The following GLCE variants were observed in gnomAD, a reference collection of about 807,000 sequenced individuals.
GLCE encodes the protein glucuronic acid epimerase, also known as D-glucuronyl C5-epimerase.
A neutral mutation model predicts 47.9 loss-of-function variants in GLCE; 19 were observed. That is an observed-to-expected ratio of 0.40 (90% CI 0.28 to 0.58). The LOEUF (loss-of-function observed/expected upper bound fraction) is 0.58. Among genes scored for constraint, GLCE ranks in the 20% least tolerant of loss-of-function variants. GLCE has a pLI of 0.48. For missense variants in GLCE, 556 were observed against 743.3 expected (o/e 0.75, Z 2.93); for synonymous variants, 245 against 263.4 (o/e 0.93, Z 0.68).
chr15:69,266,905 TA>T (rs1202205304), intron 4 of GLCE: 1 of 153,216 alleles, frequency 6.5e-6, no homozygotes, highest in Non-Finnish European at 1.5e-5. Flanking sequence ...TGTAATATAA[TA>T]ATTCCTGCCC....
rs572891493 is a variant in GLCE, at chr15:69,167,840, T to C, written c.-105+7083T>C. On this transcript the variant is annotated intron_variant, in intron 1 of 4. Coordinates refer to ENST00000261858, the MANE Select transcript of GLCE (RefSeq NM_015554.3). The stretch of plus-strand genomic sequence containing the variant: ...TGGGAAAAGTTTTTTTTTTTTTTTT[T>C]TAAATCTCAGCTTTTACTAATCTTA... 4.9e-4 allele frequency among the ~76,000 whole-genome samples: 74 copies of C among 152,012 alleles called. 1 individual carries two copies. In the East Asian group the frequency reaches 0.013, roughly 27 times the overall value.
At chr15:69,171,819 TTTA>T (rs1022150744) in intron 1 of GLCE, among the ~76,000 whole-genome samples, 7 of 152,326 alleles carry the variant, frequency 4.6e-5, no homozygotes, top group African/African-American at 1.7e-4. Flanking sequence ...AGAGTTCCTG[TTTA>T]CTGGAATTCT....
chr15:69,191,629 C>G lies in GLCE; in HGVS notation c.-104-18687C>G, dbSNP rs1595746336. Reference sequence around the variant, plus strand: ...ATTGGGAGCTGGTCAGGTAAGCGTCCTCTGCCTAGCATGTAGCAAAATTCC... The same window carrying G: ...ATTGGGAGCTGGTCAGGTAAGCGTCGTCTGCCTAGCATGTAGCAAAATTCC... On this transcript the variant is annotated intron_variant, in intron 1 of 4. Transcript: ENST00000261858. Among the ~76,000 whole-genome samples, 4 of 152,250 alleles carry G rather than the reference C, an allele frequency of 2.6e-5. No homozygotes were observed. The East Asian group carries it at 7.7e-4, about 29-fold the overall frequency.
At position 69,269,470 on chromosome 15, in the gene GLCE, TG is replaced by T. The variant is rs2053135239; in HGVS notation, c.*227del. 1.8e-6 allele frequency: 1 copy of T among 545,508 alleles called. No homozygotes were observed. Among genetic ancestry groups the T allele is most frequent in the Admixed American group, 3.3e-5 (1 of 30,380 alleles). The allele number at this position is 545,508 out of a possible 1,614,324, so 33.8% of individuals were successfully genotyped here. A position where few individuals can be genotyped will look rare whatever the true frequency, so the allele number is the denominator to read the frequency against. ...AGAACACAATGTTTAATCAATGGGCTGAACAAAGATGCTTCACTTTGCCTTG... is the reference window on the plus strand; with the variant it reads ...AGAACACAATGTTTAATCAATGGGCTAACAAAGATGCTTCACTTTGCCTTG... On this transcript the variant is annotated 3_prime_UTR_variant, in exon 5 of 5. Transcript: ENST00000261858.
chr15:69,209,935 G>A (rs547005910), intron 1 of GLCE, among the ~76,000 whole-genome samples: 1 of 152,114 alleles, frequency 6.6e-6, no homozygotes, highest in South Asian at 2.1e-4. Context: ...CCACAGCTGT[G>A]ATGGGTGGCT....
At chr15:69,208,600 TCTC>T (rs1052188829) in intron 1 of GLCE, among the ~76,000 whole-genome samples, 1 of 152,092 alleles carries the variant, frequency 6.6e-6, no homozygotes, top group African/African-American at 2.4e-5. Flanking sequence ...AGTTTTGTCT[TCTC>T]TAGTTCTTTT....
chr15:69,234,010 T>C (rs1345704532), intron 2 of GLCE, among the ~76,000 whole-genome samples: 1 of 151,330 alleles, frequency 6.6e-6, no homozygotes, highest in African/African-American at 2.4e-5. Context: ...AGAGTTTCGC[T>C]CTTGTTGCCC....
rs9745215 is a variant in GLCE at position 69,182,300 on chromosome 15, A to T, written c.-105+21543A>T. Among the ~76,000 whole-genome samples the T allele has an allele frequency of 2.3e-3, 302 of 129,846 alleles. 1 individual carries two copies. The highest frequency in any genetic ancestry group is 4.0e-3 in the Middle Eastern group (1 of 250). 85.2% of individuals were successfully genotyped at this position (129,846 alleles called of 152,430 possible). On this transcript the variant is annotated intron_variant, in intron 1 of 4. Coordinates refer to ENST00000261858, the MANE Select transcript of GLCE (RefSeq NM_015554.3). ...GTGTGTGTGTGTGTGTGTGTGTGTG[A>T]GAGAGAGAGAGAGAGAGTGCATGTC...
At chr15:69,178,847 A>C (rs2051710458) in intron 1 of GLCE, among the ~76,000 whole-genome samples, 1 of 152,132 alleles carries the variant, frequency 6.6e-6, no homozygotes, top group Non-Finnish European at 1.5e-5. Context: ...TTGTCAAAAA[A>C]CATATATGAC....
At chr15:69,214,996 T>G (rs960342017) in intron 2 of GLCE, among the ~76,000 whole-genome samples, 1 of 152,220 alleles carries the variant, frequency 6.6e-6, no homozygotes, top group Non-Finnish European at 1.5e-5. Flanking sequence ...ATCAATCTAC[T>G]GTGCCATTTC....
intron 3 of GLCE, among the ~76,000 whole-genome samples, chr15:69,258,989 G>A (rs888223093): frequency 2.0e-5 from 3 of 152,154 alleles, no homozygotes; most frequent in Non-Finnish European, 4.4e-5. Flanking sequence ...TGTTTTGCCA[G>A]CCATTTTCCA....
intron 3 of GLCE, 80 bp from the exon 4 acceptor site, chr15:69,261,007 G>A: frequency 7.5e-7 from 1 of 1,331,084 alleles, no homozygotes; most frequent in Non-Finnish European, 1.0e-6. Flanking sequence ...TCCCCCAGAA[G>A]TAAATCAGTG....
chr15:69,209,342 T>C (rs554811482), intron 1 of GLCE, among the ~76,000 whole-genome samples: 1 of 152,126 alleles, frequency 6.6e-6, no homozygotes, highest in African/African-American at 2.4e-5. Context: ...CCTGGACATT[T>C]GACTATTATG....
chr15:69,253,490 G>A (rs573097102), intron 2 of GLCE, among the ~76,000 whole-genome samples: 1 of 152,292 alleles, frequency 6.6e-6, no homozygotes, highest in South Asian at 2.1e-4. Context: ...ATGTGAATGA[G>A]TAACCGAAGA....
intron 1 of GLCE, among the ~76,000 whole-genome samples, chr15:69,202,116 C>T (rs2052084165): frequency 6.6e-6 from 1 of 151,968 alleles, no homozygotes; most frequent in Admixed American, 6.6e-5. Flanking sequence ...GATGGAGTCT[C>T]ACTATGTTAC....
chr15:69,248,194 A>G (rs1175546279), intron 2 of GLCE, among the ~76,000 whole-genome samples: 2 of 152,178 alleles, frequency 1.3e-5, no homozygotes, highest in African/African-American at 4.8e-5. Flanking sequence ...ATATTACTGG[A>G]AGGATCCTAA....
chr15:69,241,664 C>T (rs1005953641), intron 2 of GLCE, among the ~76,000 whole-genome samples: 1 of 152,174 alleles, frequency 6.6e-6, no homozygotes, highest in Admixed American at 6.5e-5. Flanking sequence ...TACAGTGGTT[C>T]TCAAAGTGTG....
intron 2 of GLCE, among the ~76,000 whole-genome samples, chr15:69,235,948 A>G (rs1211378001): frequency 6.6e-6 from 1 of 152,182 alleles, no homozygotes; most frequent in Non-Finnish European, 1.5e-5. Flanking sequence ...TCCCATTATA[A>G]GTCACTCCCT....
intron 2 of GLCE, 25 bp from the exon 3 acceptor site, chr15:69,255,769 A>ATTT: frequency 1.4e-6 from 2 of 1,379,840 alleles, no homozygotes; most frequent in African/African-American, 2.9e-5. Flanking sequence ...TCTTTGCATG[A>ATTT]TTTTTTTTCT....
Sources: gnomAD v4.1 joint callset for allele counts (sites outside exome capture counted in the v4.1 genomes callset) on GRCh38, gnomAD v4.1.1 for gene constraint, MANE v1.5 for transcripts, NCBI Gene and HGNC (gene_info 2026-07-23, HGNC 2026-07-21) for gene names.